The following NRG1 variants were observed in gnomAD, a reference collection of about 807,000 sequenced individuals.
The protein encoded by NRG1 is pro-neuregulin-1, membrane-bound isoform.
Under a neutral mutation model 63.8 loss-of-function variants are expected in NRG1, and 18 were observed. The observed-to-expected ratio is 0.28, with a 90% CI of 0.19 to 0.42. The LOEUF (loss-of-function observed/expected upper bound fraction) is 0.42. Among genes scored for constraint, NRG1 ranks in the 10% least tolerant of loss-of-function variants. The pLI, the probability that NRG1 is intolerant of heterozygous loss-of-function variation, is 1.00. For synonymous variants in NRG1, 302 were observed against 301.3 expected (o/e 1.00, Z -0.02); for missense variants, 762 against 814.7 (o/e 0.94, Z 0.79).
chr8:32,751,629 T>C (rs1203722840), intron 7 of NRG1, among the ~76,000 whole-genome samples: 1 of 152,226 alleles, frequency 6.6e-6, no homozygotes, highest in Non-Finnish European at 1.5e-5. Context: ...GTAGTGCATC[T>C]GGTCAATGCT....
At chr8:32,284,818 G>A (rs1853333870) in intron 1 of NRG1, among the ~76,000 whole-genome samples, 1 of 152,092 alleles carries the variant, frequency 6.6e-6, no homozygotes, top group African/African-American at 2.4e-5. Flanking sequence ...CAAAGTACTG[G>A]GATTACAGGC....
chr8:31,675,873 T>C (rs1263806278), intron 1 of NRG1, among the ~76,000 whole-genome samples: 1 of 152,164 alleles, frequency 6.6e-6, no homozygotes, highest in Non-Finnish European at 1.5e-5. Context: ...TATTTCCAAA[T>C]ATAGGACTTC....
At position 32,503,046 on chromosome 8, in the gene NRG1, G is replaced by A. The variant is rs554065026; in HGVS notation, c.38-92782G>A. ...CACGCCTGTAATCCCAGCACTTCGG[G>A]AGGCTGAGATGGGCGGATCATGAGG... On this transcript the variant is annotated intron_variant, in intron 1 of 10. Coordinates refer to the NRG1 transcript ENST00000519301. Among the ~76,000 whole-genome samples the A allele has an allele frequency of 7.2e-5, 11 of 152,180 alleles. No homozygotes were observed. In the South Asian group the frequency reaches 1.7e-3, roughly 23 times the overall value.
intron 1 of NRG1, among the ~76,000 whole-genome samples, chr8:32,116,080 G>T (rs1242404198): frequency 6.6e-6 from 1 of 152,102 alleles, no homozygotes; most frequent in East Asian, 1.9e-4. Context: ...GTATTCCGTT[G>T]TCCTAAATAT....
At chr8:32,106,984 C>T (rs912546481) in intron 1 of NRG1, among the ~76,000 whole-genome samples, 2 of 152,020 alleles carry the variant, frequency 1.3e-5, no homozygotes, top group African/African-American at 2.4e-5. Context: ...GTACTTTGCC[C>T]GAGATGGGCA....
chr8:32,298,953 G>T (rs1338636200), intron 1 of NRG1, among the ~76,000 whole-genome samples: 4 of 148,472 alleles, frequency 2.7e-5, no homozygotes, highest in South Asian at 2.1e-4. Flanking sequence ...CTTGAACCAG[G>T]GAGTCAGAGG....
At chr8:31,947,536 C>T (rs1345694134) in intron 1 of NRG1, among the ~76,000 whole-genome samples, 2 of 152,012 alleles carry the variant, frequency 1.3e-5, no homozygotes, top group South Asian at 2.1e-4. Context: ...TACATTTGAA[C>T]TCTGTTCACA....
exon 6 of NRG1, chr8:32,728,031 G>A: frequency 6.2e-7 from 1 of 1,614,092 alleles, no homozygotes; most frequent in South Asian, 1.1e-5. Flanking sequence ...ATGGAGGGGA[G>A]TGCTTCATGG....
At chr8:31,833,769 C>G (rs548627566) in intron 1 of NRG1, among the ~76,000 whole-genome samples, 1 of 152,060 alleles carries the variant, frequency 6.6e-6, no homozygotes, top group Non-Finnish European at 1.5e-5. Flanking sequence ...TCCATGATCT[C>G]GTGTAAATAT....
intron 1 of NRG1, among the ~76,000 whole-genome samples, chr8:31,653,619 G>A (rs1183643105): frequency 6.6e-6 from 1 of 152,202 alleles, no homozygotes; most frequent in Non-Finnish European, 1.5e-5. Flanking sequence ...CAGTGGAAGA[G>A]CCTCATACCT....
chr8:32,336,594 G>A (rs1282805061), intron 1 of NRG1, among the ~76,000 whole-genome samples: 2 of 152,156 alleles, frequency 1.3e-5, no homozygotes, highest in African/African-American at 4.8e-5. Flanking sequence ...TAGAGGCCAT[G>A]GTAGAGTGGA....
chr8:32,762,421 G>A (rs914186132), intron 11 of NRG1, among the ~76,000 whole-genome samples: 15 of 152,158 alleles, frequency 9.9e-5, no homozygotes, highest in African/African-American at 3.4e-4. Flanking sequence ...AGATTATGGA[G>A]AGAAAAGATG....
intron 1 of NRG1, among the ~76,000 whole-genome samples, chr8:32,093,403 G>A (rs1829469437): frequency 6.6e-6 from 1 of 152,182 alleles, no homozygotes; most frequent in South Asian, 2.1e-4. Flanking sequence ...ATCCTGGAAA[G>A]TGAAATGAAA....
intron 1 of NRG1, among the ~76,000 whole-genome samples, chr8:32,191,662 A>G (rs953537757): frequency 2.0e-5 from 3 of 152,202 alleles, no homozygotes; most frequent in Admixed American, 1.3e-4. Context: ...TAAAAATACT[A>G]CAGATATTTC....
At chr8:31,656,323 C>T (rs948484120) in intron 1 of NRG1, among the ~76,000 whole-genome samples, 2 of 152,144 alleles carry the variant, frequency 1.3e-5, no homozygotes, top group African/African-American at 4.8e-5. Context: ...GAAGACAGAG[C>T]CCAAACCAGG....
chr8:32,175,697 C>T (rs1005082145), intron 1 of NRG1, among the ~76,000 whole-genome samples: 1 of 152,156 alleles, frequency 6.6e-6, no homozygotes, highest in African/African-American at 2.4e-5. Context: ...AACAGACAAA[C>T]AGAGAGCCAA....
chr8:31,752,813 T>C (rs917413414), intron 1 of NRG1, among the ~76,000 whole-genome samples: 8 of 152,060 alleles, frequency 5.3e-5, no homozygotes, highest in Non-Finnish European at 1.5e-5. Flanking sequence ...TTTTTGTTTA[T>C]AAGATTCTTA....
Position 32,164,799 on chromosome 8 carries a change from C to G in NRG1, c.38-431029C>G, listed in dbSNP as rs896085893. Among the ~76,000 whole-genome samples, 15 of 152,100 alleles carry G rather than the reference C, an allele frequency of 9.9e-5. No homozygotes were observed. In the South Asian group the frequency reaches 1.0e-3, roughly 10 times the overall value. On this transcript the variant is annotated intron_variant, in intron 1 of 10. Transcript: ENST00000519301. Reference sequence around the variant, plus strand: ...TTGATCCAATTTTAGGCCCTTAGTTCCAATAAAATTGTTCCTTTTCCCATA... The same window carrying G: ...TTGATCCAATTTTAGGCCCTTAGTTGCAATAAAATTGTTCCTTTTCCCATA...
At chr8:31,741,036 C>A (rs772835512) in intron 1 of NRG1, among the ~76,000 whole-genome samples, 1 of 151,954 alleles carries the variant, frequency 6.6e-6, no homozygotes, top group Non-Finnish European at 1.5e-5. Flanking sequence ...TACTACATAG[C>A]CATACAAAGA....
Sources: allele counts gnomAD v4.1 joint callset (sites outside exome capture counted in the v4.1 genomes callset), GRCh38; gene constraint gnomAD v4.1.1; transcripts MANE v1.5; gene names NCBI Gene and HGNC (gene_info 2026-07-23, HGNC 2026-07-21).